MRPL22: variants seen among roughly 807,000 people sequenced by gnomAD.
The protein encoded by MRPL22 is large ribosomal subunit protein uL22m.
MRPL22 carries 27 observed loss-of-function variants against 32.4 expected under a neutral mutation model. The observed-to-expected ratio is 0.83, with a 90% CI of 0.61 to 1.15. The LOEUF (loss-of-function observed/expected upper bound fraction) is 1.15. Ranked by LOEUF, MRPL22 falls within the 50% of genes most tolerant of loss-of-function variation. MRPL22 has a pLI of 0.00. For synonymous variants in MRPL22, 86 were observed against 87.3 expected (o/e 0.99, Z 0.08); for missense variants, 239 against 260.2 (o/e 0.92, Z 0.56).
Position 154,968,117 on chromosome 5 carries a change from G to GCA in MRPL22, c.*1225_*1226dup, listed in dbSNP as rs1220657029. The GCA allele has an allele frequency of 6.6e-6, 1 of 152,192 alleles. No homozygotes were observed. Among genetic ancestry groups the GCA allele is most frequent in the African/African-American group, 2.4e-5 (1 of 41,444 alleles). 9.4% of individuals were successfully genotyped at this position (152,192 alleles called of 1,614,324 possible). ...CCACTTTACAAAGGAATAAACCGAA[G>GCA]CACACAGAATTCAAATAACTATCAC... On this transcript the variant is annotated 3_prime_UTR_variant, in exon 7 of 7. Coordinates refer to ENST00000523037, the MANE Select transcript of MRPL22 (RefSeq NM_014180.4).
Position 154,967,128 on chromosome 5 carries a change from G to T in MRPL22, c.*231G>T. On this transcript the variant is annotated 3_prime_UTR_variant, in exon 7 of 7. Transcript: ENST00000523037. The surrounding 1 kb of genome is among the most constrained non-coding windows in gnomAD (Gnocchi z 4.7). ...GAAATCAGCTTTAAACATAGTAACAGACTATATTTCAAAAGGCTTTTGGAG... is the reference window on the plus strand; with the variant it reads ...GAAATCAGCTTTAAACATAGTAACATACTATATTTCAAAAGGCTTTTGGAG... 1 of 523,896 alleles carries T rather than the reference G, an allele frequency of 1.9e-6. No homozygotes were observed. The highest frequency in any genetic ancestry group is 3.3e-6 in the Non-Finnish European group (1 of 299,372). The allele number at this position is 523,896 out of a possible 1,614,324, so 32.5% of individuals were successfully genotyped here.
chr5:154,957,904 A>T, intron 5 of MRPL22, among the ~76,000 whole-genome samples: 2 of 147,146 alleles, frequency 1.4e-5, no homozygotes, highest in South Asian at 2.1e-4. Context: ...TTTTTATTAC[A>T]TATATTTTTC....
chr5:154,963,873 TGGAG>T (rs1764733256), intron 6 of MRPL22, among the ~76,000 whole-genome samples: 1 of 152,166 alleles, frequency 6.6e-6, no homozygotes, highest in African/African-American at 2.4e-5. Context: ...TTTGGGAGTC[TGGAG>T]GAATGCTCTT....
At chr5:154,965,303 C>T (rs115727647) in intron 6 of MRPL22, among the ~76,000 whole-genome samples, 214 of 152,192 alleles carry the variant, frequency 1.4e-3, no homozygotes, top group African/African-American at 4.6e-3. Context: ...TAGATTTTAC[C>T]TTTTTAAAAG....
chr5:154,951,451 C>CT, intron 3 of MRPL22, among the ~76,000 whole-genome samples: 1 of 152,298 alleles, frequency 6.6e-6, no homozygotes, highest in Non-Finnish European at 1.5e-5. Context: ...AACTTTTCAA[C>CT]TTTCATATTT....
At position 154,967,164 on chromosome 5, in the gene MRPL22, A is replaced by G; in HGVS notation, c.*267A>G. The G allele has an allele frequency of 2.4e-6, 1 of 416,048 alleles. No homozygotes were observed. Among genetic ancestry groups the G allele is most frequent in the South Asian group, 3.0e-5 (1 of 33,566 alleles). 25.8% of individuals were successfully genotyped at this position (416,048 alleles called of 1,614,324 possible). A position where few individuals can be genotyped will look rare whatever the true frequency, so the allele number is the denominator to read the frequency against. ...AAAAGGCTTTTGGAGTAACTTTGAAAGGGAATGTTAACTTTCCAACTAGTG... is the reference window on the plus strand; with the variant it reads ...AAAAGGCTTTTGGAGTAACTTTGAAGGGGAATGTTAACTTTCCAACTAGTG... On this transcript the variant is annotated 3_prime_UTR_variant, in exon 7 of 7. Coordinates refer to ENST00000523037, the MANE Select transcript of MRPL22 (RefSeq NM_014180.4). The surrounding 1 kb of genome is among the most constrained non-coding windows in gnomAD (Gnocchi z 4.7).
At chr5:154,949,160 A>G (rs543474648) in intron 2 of MRPL22, among the ~76,000 whole-genome samples, 5 of 152,242 alleles carry the variant, frequency 3.3e-5, no homozygotes, top group South Asian at 2.1e-4. Flanking sequence ...GTTCTCTTCA[A>G]TAGGAAATGG....
At chr5:154,948,349 GTT>G (rs1764518335) in intron 2 of MRPL22, among the ~76,000 whole-genome samples, 1 of 152,228 alleles carries the variant, frequency 6.6e-6, no homozygotes, top group Admixed American at 6.5e-5. Context: ...CTTTATAATA[GTT>G]CACACATTGA....
At chr5:154,948,185 G>A (rs1764516213) in intron 2 of MRPL22, among the ~76,000 whole-genome samples, 1 of 152,032 alleles carries the variant, frequency 6.6e-6, no homozygotes, top group Admixed American at 6.6e-5. Context: ...TACTACTTAT[G>A]GCCAATGTTA....
intron 6 of MRPL22, among the ~76,000 whole-genome samples, chr5:154,962,069 G>C (rs1764713009): frequency 6.6e-6 from 1 of 152,216 alleles, no homozygotes; most frequent in Admixed American, 6.5e-5. Context: ...CTTCTGTGTT[G>C]ATGACTTAAG....
Position 154,966,698 on chromosome 5 carries a change from C to G in MRPL22, c.422C>G (p.Ser141Ter), listed in dbSNP as rs746307238. 7.4e-6 allele frequency: 12 copies of G among 1,613,802 alleles called. No individual in the cohort carries two copies. Among genetic ancestry groups the G allele is most frequent in the Non-Finnish European group, 1.0e-5 (12 of 1,180,032 alleles). The change falls in exon 7 of 7, where the codon TCA (serine) becomes TGA (stop). Residue 141 changes from serine (S) to a stop codon, truncating the protein, a stop_gained. Coordinates refer to ENST00000523037, the MANE Select transcript of MRPL22 (RefSeq NM_014180.4). LOFTEE classifies it high-confidence loss of function. ...RSNLYIAEST[S>*]GRGQCLKRIR... ...TCTTCCTGTTTAGCTGAGTCCACCT[C>G]AGGACGAGGCCAGTGCCTGAAACGC...
Position 154,968,113 on chromosome 5 carries a change from C to T in MRPL22, c.*1216C>T, listed in dbSNP as rs531659416. 6 of 152,082 alleles carry T rather than the reference C, an allele frequency of 3.9e-5. No homozygotes were observed. The highest frequency in any genetic ancestry group is 1.9e-4 in the East Asian group (1 of 5,196). 9.4% of individuals were successfully genotyped at this position (152,082 alleles called of 1,614,324 possible). A position where few individuals can be genotyped will look rare whatever the true frequency, so the allele number is the denominator to read the frequency against. On this transcript the variant is annotated 3_prime_UTR_variant, in exon 7 of 7. Coordinates refer to ENST00000523037, the MANE Select transcript of MRPL22 (RefSeq NM_014180.4). ...TTTACCACTTTACAAAGGAATAAAC[C>T]GAAGCACACAGAATTCAAATAACTA...
intron 5 of MRPL22, chr5:154,958,979 A>G (rs765986282): frequency 6.6e-6 from 1 of 152,170 alleles, no homozygotes; most frequent in Non-Finnish European, 1.5e-5. Flanking sequence ...TCTGATGTTA[A>G]TGGTTATTTG....
At chr5:154,961,627 C>T (rs763441317) in intron 6 of MRPL22, among the ~76,000 whole-genome samples, 4 of 152,118 alleles carry the variant, frequency 2.6e-5, no homozygotes, top group African/African-American at 2.4e-5. Context: ...GGAGCAGGGT[C>T]CACTGTTGCC....
chr5:154,952,666 C>T (rs1447748571), intron 3 of MRPL22, among the ~76,000 whole-genome samples: 1 of 152,008 alleles, frequency 6.6e-6, no homozygotes, highest in Non-Finnish European at 1.5e-5. Flanking sequence ...CTGGGAATAC[C>T]GATACCCTTC....
At chr5:154,951,599 C>A (rs1311414135) in intron 3 of MRPL22, among the ~76,000 whole-genome samples, 1 of 151,876 alleles carries the variant, frequency 6.6e-6, no homozygotes, top group African/African-American at 2.4e-5. Flanking sequence ...TGCAATGGCA[C>A]GATCTTGACT....
At chr5:154,946,938 G>A (rs945459549) in intron 2 of MRPL22, among the ~76,000 whole-genome samples, 6 of 152,152 alleles carry the variant, frequency 3.9e-5, no homozygotes, top group Admixed American at 1.3e-4. Flanking sequence ...TATTGCAGGC[G>A]TGAGCCACCA....
chr5:154,966,752 G>GGATCATGGA lies in MRPL22; in HGVS notation c.479_487dup (p.Ile160_Glu162dup). 1 of 1,614,194 alleles carries GGATCATGGA rather than the reference G, an allele frequency of 6.2e-7. No homozygotes were observed. Among genetic ancestry groups the GGATCATGGA allele is most frequent in the Non-Finnish European group, 8.5e-7 (1 of 1,180,042 alleles). ...CGCTACCATGGCAGAGGTCGCTTTG[G>GGATCATGGA]GATCATGGAGAAGGTTTATTGCCAT... On this transcript the variant is annotated inframe_insertion, in exon 7 of 7. Coordinates refer to ENST00000523037, the MANE Select transcript of MRPL22 (RefSeq NM_014180.4).
At chr5:154,944,340 C>T (rs1764460714) in intron 2 of MRPL22, among the ~76,000 whole-genome samples, 1 of 152,170 alleles carries the variant, frequency 6.6e-6, no homozygotes, top group South Asian at 2.1e-4. Context: ...GTGATCTTCC[C>T]ACCTCAGGCT....
Sources: gnomAD v4.1 joint callset for allele counts (sites outside exome capture counted in the v4.1 genomes callset) on GRCh38, gnomAD v4.1.1 for gene constraint, Gnocchi (gnomAD v3.1) non-coding constraint, MANE v1.5 for transcripts, NCBI Gene and HGNC (gene_info 2026-07-23, HGNC 2026-07-21) for gene names.